The following FHIT variants were observed in gnomAD, a reference collection of about 807,000 sequenced individuals.
FHIT encodes the protein fragile histidine triad diadenosine triphosphatase.
A neutral mutation model predicts 17.9 loss-of-function variants in FHIT; 19 were observed. The ratio of observed to expected loss-of-function variants is 1.06; its 90% CI spans 0.74 to 1.56. The LOEUF is 1.56. FHIT is among the 40% of genes most tolerant of loss of function. The pLI is 0.00. For synonymous variants in FHIT, 81 were observed against 69.7 expected, an observed-to-expected ratio of 1.16 and a Z score of -0.81; for missense variants, 248 against 189.2, an observed-to-expected ratio of 1.31 and a Z score of -1.82.
chr3:60,314,697 C>T (rs1276510956), intron 5 of FHIT, among the ~76,000 whole-genome samples: 1 of 152,066 alleles, frequency 6.6e-6, no homozygotes, highest in African/African-American at 2.4e-5. Flanking sequence ...ATAAAAATGG[C>T]CACAAAATCT....
intron 7 of FHIT, among the ~76,000 whole-genome samples, chr3:59,940,576 T>C (rs1706465835): frequency 6.6e-6 from 1 of 152,106 alleles, no homozygotes; most frequent in African/African-American, 2.4e-5. Flanking sequence ...CCCACTGGGG[T>C]ACAAATCCTT....
At chr3:60,627,645 T>C (rs1336354855) in intron 4 of FHIT, among the ~76,000 whole-genome samples, 1 of 152,064 alleles carries the variant, frequency 6.6e-6, no homozygotes, top group Non-Finnish European at 1.5e-5. Context: ...TGCCTCAGCT[T>C]CCCGAGTAGC....
chr3:60,043,663 T>C (rs981592706), intron 5 of FHIT, among the ~76,000 whole-genome samples: 6 of 136,484 alleles, frequency 4.4e-5, no homozygotes, highest in Non-Finnish European at 1.0e-4. Context: ...CTGTGCATGT[T>C]ATAGATAGAC....
intron 5 of FHIT, among the ~76,000 whole-genome samples, chr3:60,143,662 C>T (rs1281836695): frequency 2.0e-5 from 3 of 152,098 alleles, no homozygotes; most frequent in African/African-American, 4.8e-5. Context: ...CTTTTTAAAG[C>T]AGTATTTCTA....
At chr3:60,397,077 T>A (rs1701475225) in intron 5 of FHIT, among the ~76,000 whole-genome samples, 1 of 152,200 alleles carries the variant, frequency 6.6e-6, no homozygotes. Context: ...TGATGTAAAC[T>A]ACATAGAAAA....
At chr3:59,969,443 C>T (rs187675911) in intron 7 of FHIT, among the ~76,000 whole-genome samples, 4 of 152,180 alleles carry the variant, frequency 2.6e-5, no homozygotes, top group Admixed American at 1.3e-4. Context: ...AAGGTAAATG[C>T]TAATGTTTCA....
intron 5 of FHIT, among the ~76,000 whole-genome samples, chr3:60,442,118 C>T (rs1379186900): frequency 6.6e-6 from 1 of 151,798 alleles, no homozygotes; most frequent in Non-Finnish European, 1.5e-5. Context: ...CCTCAGCCTC[C>T]CAAAGCACTG....
intron 7 of FHIT, among the ~76,000 whole-genome samples, chr3:59,955,352 G>A (rs1707339921): frequency 2.6e-5 from 4 of 152,102 alleles, no homozygotes; most frequent in Admixed American, 2.6e-4. Context: ...ATGTTCCTCG[G>A]TCTCCATTGC....
chr3:61,209,104 G>T (rs4688352), intron 1 of FHIT, among the ~76,000 whole-genome samples: 65,365 of 151,750 alleles, frequency 0.43, 14,658 homozygotes, highest in East Asian at 0.58. Flanking sequence ...ATGAAATGCT[G>T]GGTTGAAAAT....
At chr3:59,857,283 G>A (rs906421978) in intron 8 of FHIT, among the ~76,000 whole-genome samples, 2 of 152,142 alleles carry the variant, frequency 1.3e-5, no homozygotes, top group African/African-American at 2.4e-5. Flanking sequence ...CCATCTCTGC[G>A]TGAGGAACCT....
At chr3:60,374,024 A>G (rs1463513527) in intron 5 of FHIT, among the ~76,000 whole-genome samples, 1 of 152,236 alleles carries the variant, frequency 6.6e-6, no homozygotes, top group East Asian at 1.9e-4. Flanking sequence ...TTTTTAAAAA[A>G]GTAATGGTTT....
At chr3:60,794,645 C>T (rs1479663233) in intron 4 of FHIT, among the ~76,000 whole-genome samples, 5 of 152,118 alleles carry the variant, frequency 3.3e-5, no homozygotes, top group East Asian at 1.9e-4. Context: ...GAGATACTTT[C>T]GTACTTGAGG....
At position 60,123,962 on chromosome 3, in the gene FHIT, CTAAAAATATATATATATATATA is replaced by C; in HGVS notation, c.104-109832_104-109811del. On this transcript the variant is annotated intron_variant, in intron 5 of 9. Coordinates refer to ENST00000492590, the MANE Select transcript of FHIT (RefSeq NM_002012.4). ...TCTCACTTCCATTAACAGAAATGCA[CTAAAAATATATATATATATATA>C]TATATATATATATATATATATATAT... Among the ~76,000 whole-genome samples the C allele has an allele frequency of 2.8e-3, 175 of 63,266 alleles. 2 individuals are homozygous for C. The highest frequency in any genetic ancestry group is 0.012 in the African/African-American group (165 of 13,446). 41.5% of individuals were successfully genotyped at this position (63,266 alleles called of 152,430 possible).
chr3:60,573,785 C>T (rs1297303974), intron 4 of FHIT, among the ~76,000 whole-genome samples: 1 of 151,886 alleles, frequency 6.6e-6, no homozygotes, highest in Non-Finnish European at 1.5e-5. Context: ...ATCATTCATT[C>T]TGCGTTCATT....
intron 8 of FHIT, among the ~76,000 whole-genome samples, chr3:59,862,487 T>C (rs1242657848): frequency 6.6e-6 from 1 of 152,206 alleles, no homozygotes; most frequent in African/African-American, 2.4e-5. Flanking sequence ...AAGACTCACT[T>C]GCTATTTCTC....
chr3:60,222,737 A>T (rs1704019339), intron 5 of FHIT, among the ~76,000 whole-genome samples: 1 of 152,086 alleles, frequency 6.6e-6, no homozygotes, highest in African/African-American at 2.4e-5. Flanking sequence ...CTAAAGGAGG[A>T]CAAGAAAATA....
At chr3:60,313,188 A>T (rs888376553) in intron 5 of FHIT, among the ~76,000 whole-genome samples, 1 of 152,246 alleles carries the variant, frequency 6.6e-6, no homozygotes, top group Non-Finnish European at 1.5e-5. Context: ...TGCTCTAAAC[A>T]TTACATATGA....
At position 60,860,441 on chromosome 3, in the gene FHIT, GTATATATGATACATATGTACATATAT is replaced by G. The variant is rs1559779095; in HGVS notation, c.-110-38456_-110-38431del. ...TGTATATATGATACATATATATCAT[GTATATATGATACATATGTACATATAT>G]ATGTATATATGATACATATGTATCA... On this transcript the variant is annotated intron_variant, in intron 3 of 9. Coordinates refer to ENST00000492590, the MANE Select transcript of FHIT (RefSeq NM_002012.4). Among the ~76,000 whole-genome samples the G allele has an allele frequency of 4.9e-5, 6 of 121,656 alleles. No homozygotes were observed. In the East Asian group the frequency reaches 6.9e-4, roughly 14 times the overall value. 79.8% of individuals were successfully genotyped at this position (121,656 alleles called of 152,430 possible).
rs1700599604 is a variant in FHIT, at chr3:60,154,566, CTT to C, written c.104-140416_104-140415del. On this transcript the variant is annotated intron_variant, in intron 5 of 9. Coordinates refer to ENST00000492590, the MANE Select transcript of FHIT (RefSeq NM_002012.4). ...CAATTCTGTTTCCAATTAATGCAAACTTATAATATTCCAAGCTGTTATTAGAT... is the reference window on the plus strand; with the variant it reads ...CAATTCTGTTTCCAATTAATGCAAACATAATATTCCAAGCTGTTATTAGAT... Among the ~76,000 whole-genome samples the C allele has an allele frequency of 3.3e-5, 5 of 152,282 alleles. 1 individual carries two copies. The South Asian group carries it at 1.0e-3, about 32-fold the overall frequency.
Sources: gnomAD v4.1 joint callset for allele counts (sites outside exome capture counted in the v4.1 genomes callset) on GRCh38, gnomAD v4.1.1 for gene constraint, MANE v1.5 for transcripts, NCBI Gene and HGNC (gene_info 2026-07-23, HGNC 2026-07-21) for gene names.